CTIF: variants seen among roughly 807,000 people sequenced by gnomAD.
The protein encoded by CTIF is CBP80/20-dependent translation initiation factor.
CTIF carries 21 observed loss-of-function variants against 66.0 expected under a neutral mutation model. That is an observed-to-expected ratio of 0.32 (90% CI 0.23 to 0.46). The LOEUF (loss-of-function observed/expected upper bound fraction) is 0.46, where lower values mean the gene tolerates loss of function less well. Ranked by LOEUF, CTIF falls within the 20% of genes least tolerant of loss-of-function variation. The pLI is 1.00. For synonymous variants in CTIF, 345 were observed against 326.4 expected (o/e 1.06, Z -0.62); for missense variants, 739 against 812.7 (o/e 0.91, Z 1.10).
At chr18:48,738,526 A>G (rs1224447901) in intron 7 of CTIF, among the ~76,000 whole-genome samples, 3 of 151,526 alleles carry the variant, frequency 2.0e-5, no homozygotes, top group Non-Finnish European at 4.4e-5. Context: ...GGGACTTTGC[A>G]CTGGCTGTTC....
At chr18:48,707,783 A>G (rs2092176888) in intron 6 of CTIF, among the ~76,000 whole-genome samples, 1 of 152,190 alleles carries the variant, frequency 6.6e-6, no homozygotes, top group Admixed American at 6.5e-5. Flanking sequence ...TAGGGTATTC[A>G]CAAGGTTGTG....
intron 3 of CTIF, among the ~76,000 whole-genome samples, chr18:48,645,250 G>C (rs1342542977): frequency 2.9e-4 from 26 of 90,574 alleles, no homozygotes; most frequent in Middle Eastern, 0.014. Context: ...TCCCATACTT[G>C]GCACTAGGAA....
rs918000892 is a variant in CTIF at position 48,862,746 on chromosome 18, A to G, written c.*3187A>G. 1.3e-5 allele frequency: 2 copies of G among 152,218 alleles called. No homozygotes were observed. The highest frequency in any genetic ancestry group is 2.4e-5 in the African/African-American group (1 of 41,404). The allele number at this position is 152,218 out of a possible 1,614,324, so 9.4% of individuals were successfully genotyped here. On this transcript the variant is annotated 3_prime_UTR_variant, in exon 12 of 12. Transcript: ENST00000256413. ...CCACAGATCAGGCCGGGGCAGCTGT[A>G]GGGGCGGGGGCCCAGACAGCCAGGC...
At chr18:48,633,851 G>A (rs558985571) in intron 2 of CTIF, among the ~76,000 whole-genome samples, 1 of 152,216 alleles carries the variant, frequency 6.6e-6, no homozygotes, top group East Asian at 1.9e-4. Flanking sequence ...GTGCAGAATG[G>A]AACAGGGTGT....
intron 1 of CTIF, among the ~76,000 whole-genome samples, chr18:48,576,301 C>T (rs1262838299): frequency 4.6e-5 from 7 of 152,246 alleles, no homozygotes; most frequent in Admixed American, 3.3e-4. Context: ...TGATGTGTTC[C>T]CCTGTCCTCT....
chr18:48,544,217 C>G (rs190113071), intron 1 of CTIF, among the ~76,000 whole-genome samples: 13 of 152,354 alleles, frequency 8.5e-5, no homozygotes, highest in Admixed American at 5.2e-4. Flanking sequence ...ATACGCTGCA[C>G]TTGATTTGGC....
chr18:48,594,218 C>T (rs572738261), intron 1 of CTIF, among the ~76,000 whole-genome samples: 60 of 152,232 alleles, frequency 3.9e-4, no homozygotes, highest in African/African-American at 1.4e-3. Flanking sequence ...GCACCCCATG[C>T]GGATGCACGG....
intron 7 of CTIF, among the ~76,000 whole-genome samples, chr18:48,745,902 A>G (rs1324432872): frequency 6.6e-6 from 1 of 152,200 alleles, no homozygotes; most frequent in Non-Finnish European, 1.5e-5. Flanking sequence ...CCTGGCTCAA[A>G]AACGTGGCCC....
At position 48,730,547 on chromosome 18, in the gene CTIF, T is replaced by C. The variant is rs1211507654; in HGVS notation, c.584+18852T>C. On this transcript the variant is annotated intron_variant, in intron 7 of 11. Coordinates refer to ENST00000256413, the MANE Select transcript of CTIF (RefSeq NM_014772.3). ...GAGGGGCCCCTGTGGTGTGAGGGGCTTCTGCTGTGTGAGGGGCTTCTGCGG... is the reference window on the plus strand; with the variant it reads ...GAGGGGCCCCTGTGGTGTGAGGGGCCTCTGCTGTGTGAGGGGCTTCTGCGG... 2.3e-4 allele frequency among the ~76,000 whole-genome samples: 8 copies of C among 34,688 alleles called. 3 individuals are homozygous for C. The highest frequency in any genetic ancestry group is 5.6e-4 in the Admixed American group (2 of 3,548). 22.8% of individuals were successfully genotyped at this position (34,688 alleles called of 152,430 possible).
chr18:48,856,856 T>G (rs1400762054), intron 10 of CTIF, among the ~76,000 whole-genome samples: 1 of 152,188 alleles, frequency 6.6e-6, no homozygotes, highest in African/African-American at 2.4e-5. Context: ...TCTGGGGATA[T>G]CCTAAAAAGC....
intron 10 of CTIF, among the ~76,000 whole-genome samples, chr18:48,836,192 A>C (rs1450964575): frequency 6.7e-6 from 1 of 149,700 alleles, no homozygotes; most frequent in African/African-American, 2.5e-5. Context: ...TGGAGCATTC[A>C]AGATCCCAGC....
chr18:48,677,099 C>T (rs1317430132), intron 6 of CTIF, among the ~76,000 whole-genome samples: 1 of 152,120 alleles, frequency 6.6e-6, no homozygotes, highest in African/African-American at 2.4e-5. Context: ...TTTATTGTTC[C>T]CTAGGGCTGT....
intron 2 of CTIF, among the ~76,000 whole-genome samples, chr18:48,628,663 G>A (rs12457988): frequency 6.6e-6 from 1 of 152,158 alleles, no homozygotes; most frequent in Non-Finnish European, 1.5e-5. Context: ...GGGATGAAGC[G>A]ATTTGCCCAA....
chr18:48,626,093 C>T (rs1350907616), intron 2 of CTIF, among the ~76,000 whole-genome samples: 1 of 150,778 alleles, frequency 6.6e-6, no homozygotes, highest in South Asian at 2.1e-4. Context: ...CCTCCCCCCA[C>T]CGCAGGTTCA....
chr18:48,553,925 T>C (rs1049854508), intron 1 of CTIF, among the ~76,000 whole-genome samples: 5 of 152,064 alleles, frequency 3.3e-5, no homozygotes, highest in Non-Finnish European at 2.9e-5. Context: ...CCTCCCAAAG[T>C]GCTGGGATTA....
At chr18:48,775,917 C>T (rs1910626161) in intron 9 of CTIF, among the ~76,000 whole-genome samples, 1 of 152,224 alleles carries the variant, frequency 6.6e-6, no homozygotes, top group African/African-American at 2.4e-5. Context: ...GGCCGTGACC[C>T]CAGGTCACTG....
At chr18:48,597,760 T>C (rs1124600) in intron 1 of CTIF, among the ~76,000 whole-genome samples, 59,247 of 152,130 alleles carry the variant, frequency 0.39, 13,230 homozygotes, top group African/African-American at 0.62. Context: ...TATTCCTTTA[T>C]AGCAATGTGA....
At position 48,757,912 on chromosome 18, in the gene CTIF, T is replaced by C; in HGVS notation, c.585-7T>C. ...CGCCTTCTCTGTCTTTCCTCTTCCGTTTGCAGGCGGCAGCAGAGACCTCCG... is the reference window on the plus strand; with the variant it reads ...CGCCTTCTCTGTCTTTCCTCTTCCGCTTGCAGGCGGCAGCAGAGACCTCCG... On this transcript the variant is annotated splice_region_variant and splice_polypyrimidine_tract_variant and intron_variant, in intron 7 of 11. Transcript: ENST00000256413. 1 of 1,606,222 alleles carries C rather than the reference T, an allele frequency of 6.2e-7. No homozygotes were observed. Among genetic ancestry groups the C allele is most frequent in the Non-Finnish European group, 8.5e-7 (1 of 1,174,942 alleles).
chr18:48,780,534 C>T (rs1043871904), intron 9 of CTIF, among the ~76,000 whole-genome samples: 1 of 152,174 alleles, frequency 6.6e-6, no homozygotes, highest in Admixed American at 6.5e-5. Flanking sequence ...TTATCCAGCA[C>T]GTGGCACACG....
Sources: gnomAD v4.1 joint callset for allele counts (sites outside exome capture counted in the v4.1 genomes callset) on GRCh38, gnomAD v4.1.1 for gene constraint, MANE v1.5 for transcripts, NCBI Gene and HGNC (gene_info 2026-07-23, HGNC 2026-07-21) for gene names.